The following OXR1 variants were observed in gnomAD, a reference collection of about 807,000 sequenced individuals.
The protein encoded by OXR1 is oxidation resistance protein 1.
OXR1 carries 41 observed loss-of-function variants against 104.6 expected under a neutral mutation model. That is an observed-to-expected ratio of 0.39 (90% CI 0.31 to 0.51). The LOEUF is 0.51. Among genes scored for constraint, OXR1 ranks in the 20% least tolerant of loss-of-function variants. The probability of loss-of-function intolerance (pLI) is 0.77; values close to 1 mark genes in which losing one functional copy is unlikely to be tolerated. For synonymous variants in OXR1, 348 were observed against 348.4 expected (o/e 1.00, Z 0.01); for missense variants, 955 against 1,031.9 (o/e 0.93, Z 1.02).
chr8:106,692,037 C>T (rs1236031866), intron 6 of OXR1, among the ~76,000 whole-genome samples: 1 of 150,638 alleles, frequency 6.6e-6, no homozygotes, highest in Non-Finnish European at 1.5e-5. Context: ...ATAACTATAC[C>T]TCTAGTTTGT....
intron 2 of OXR1, among the ~76,000 whole-genome samples, chr8:106,512,341 C>T (rs1365017250): frequency 1.3e-5 from 2 of 152,170 alleles, no homozygotes; most frequent in African/African-American, 4.8e-5. Flanking sequence ...TAATTTTATA[C>T]TGCTTTAAAT....
intron 7 of OXR1, among the ~76,000 whole-genome samples, chr8:106,695,436 G>A (rs1267406360): frequency 4.9e-5 from 7 of 143,094 alleles, no homozygotes; most frequent in Non-Finnish European, 1.1e-4. Flanking sequence ...TTTTTTCTCC[G>A]AGACAGAGTC....
At chr8:106,411,868 A>T (rs1327252424) in intron 2 of OXR1, among the ~76,000 whole-genome samples, 1 of 152,172 alleles carries the variant, frequency 6.6e-6, no homozygotes, top group Non-Finnish European at 1.5e-5. Flanking sequence ...CTATTGTATT[A>T]TATACAGGGT....
At chr8:106,631,212 T>C (rs1822658341) in intron 3 of OXR1, among the ~76,000 whole-genome samples, 1 of 152,200 alleles carries the variant, frequency 6.6e-6, no homozygotes, top group African/African-American at 2.4e-5. Flanking sequence ...TATACCCTAG[T>C]TCCTTCCTTT....
chr8:106,451,788 T>G (rs908857721), intron 2 of OXR1, among the ~76,000 whole-genome samples: 1 of 152,232 alleles, frequency 6.6e-6, no homozygotes, highest in Non-Finnish European at 1.5e-5. Context: ...TTTTATTTTT[T>G]GCATGTCCCT....
chr8:106,517,938 TG>T, intron 2 of OXR1, among the ~76,000 whole-genome samples: 1 of 152,318 alleles, frequency 6.6e-6, no homozygotes, highest in East Asian at 1.9e-4. Context: ...AAGCTAATTG[TG>T]GGTTAATTAT....
At chr8:106,481,248 A>G (rs1313814536) in intron 2 of OXR1, among the ~76,000 whole-genome samples, 1 of 152,018 alleles carries the variant, frequency 6.6e-6, no homozygotes, top group Non-Finnish European at 1.5e-5. Context: ...TTGAATGGGA[A>G]GGCCTTACCA....
At chr8:106,410,166 C>T (rs967902858) in intron 2 of OXR1, among the ~76,000 whole-genome samples, 11 of 152,180 alleles carry the variant, frequency 7.2e-5, no homozygotes, top group African/African-American at 1.7e-4. Flanking sequence ...TCCATTTCTA[C>T]GAGGAAAAGA....
intron 2 of OXR1, among the ~76,000 whole-genome samples, chr8:106,494,665 A>G (rs1370851602): frequency 7.9e-5 from 12 of 152,214 alleles, no homozygotes; most frequent in Admixed American, 7.2e-4. Context: ...CTTCTCATTT[A>G]TATATAAACA....
At chr8:106,672,440 T>TC (rs1337940707) in intron 3 of OXR1, among the ~76,000 whole-genome samples, 4 of 150,126 alleles carry the variant, frequency 2.7e-5, no homozygotes, top group African/African-American at 9.8e-5. Context: ...TGAGCCAAGA[T>TC]CGTGCCACTG....
chr8:106,449,193 C>T (rs955700241), intron 2 of OXR1, among the ~76,000 whole-genome samples: 26 of 152,188 alleles, frequency 1.7e-4, no homozygotes, highest in African/African-American at 6.0e-4. Flanking sequence ...ATTAACCTCC[C>T]TCAGCTGATG....
At chr8:106,657,355 T>A (rs1825191164) in intron 3 of OXR1, 1 of 151,862 alleles carries the variant, frequency 6.6e-6, no homozygotes, top group African/African-American at 2.4e-5. Context: ...GCAAAAGTTT[T>A]ATGTAATGCA....
chr8:106,620,329 T>C (rs1821600366), intron 3 of OXR1, among the ~76,000 whole-genome samples: 1 of 152,200 alleles, frequency 6.6e-6, no homozygotes, highest in African/African-American at 2.4e-5. Context: ...TTTTTCAATC[T>C]TTCTTTCTTG....
At chr8:106,730,873 C>G (rs1310053780) in intron 11 of OXR1, among the ~76,000 whole-genome samples, 1 of 150,934 alleles carries the variant, frequency 6.6e-6, no homozygotes, top group Non-Finnish European at 1.5e-5. Context: ...ATAGTTAGAC[C>G]TTGTCTTTAA....
At chr8:106,459,157 A>T (rs1820770515) in intron 2 of OXR1, among the ~76,000 whole-genome samples, 1 of 152,126 alleles carries the variant, frequency 6.6e-6, no homozygotes, top group South Asian at 2.1e-4. Context: ...TGTGTTGGAA[A>T]CTTAATCCCC....
chr8:106,634,936 C>T (rs1262401022), intron 3 of OXR1, among the ~76,000 whole-genome samples: 1 of 152,006 alleles, frequency 6.6e-6, no homozygotes, highest in African/African-American at 2.4e-5. Flanking sequence ...TGCAGTAGCT[C>T]TAGCCCTCCC....
chr8:106,646,264 CCTGA>C (rs1187848834), intron 3 of OXR1, among the ~76,000 whole-genome samples: 3 of 151,968 alleles, frequency 2.0e-5, no homozygotes, highest in Non-Finnish European at 4.4e-5. Context: ...CACCACCAAG[CCTGA>C]CTAATTTTTG....
rs188435841 is a variant in OXR1, at chr8:106,567,499, A to G, written c.220+48360A>G. ...TCATTTTTTAGCCTCATCTGTTTAC[A>G]TTTTTTTCTATGAGCAGATGGCCAG... On this transcript the variant is annotated intron_variant, in intron 3 of 16. Coordinates refer to ENST00000517566, the MANE Select transcript of OXR1 (RefSeq NM_001198533.2). Among the ~76,000 whole-genome samples the G allele has an allele frequency of 2.3e-3, 348 of 151,786 alleles. 1 individual carries two copies. The highest frequency in any genetic ancestry group is 7.9e-3 in the African/African-American group (328 of 41,478).
chr8:106,738,547 G>A (rs1834610297), intron 12 of OXR1, among the ~76,000 whole-genome samples: 1 of 151,740 alleles, frequency 6.6e-6, no homozygotes, highest in African/African-American at 2.4e-5. Context: ...TTAGTTATCT[G>A]CTCCAATAGA....
Sources: allele counts gnomAD v4.1 joint callset (sites outside exome capture counted in the v4.1 genomes callset), GRCh38; gene constraint gnomAD v4.1.1; transcripts MANE v1.5; gene names NCBI Gene and HGNC (gene_info 2026-07-23, HGNC 2026-07-21).